PDE11A: variants seen among roughly 807,000 people sequenced by gnomAD.
The protein encoded by PDE11A is phosphodiesterase 11A.
A neutral mutation model predicts 100.5 loss-of-function variants in PDE11A; 100 were observed. The ratio of observed to expected loss-of-function variants is 1.00; its 90% CI spans 0.85 to 1.18. The LOEUF (loss-of-function observed/expected upper bound fraction) is 1.18. PDE11A is among the 50% of genes most tolerant of loss of function. The pLI is 0.00. For missense variants in PDE11A, 1,141 were observed against 1,152.6 expected, an observed-to-expected ratio of 0.99 and a Z score of 0.15; for synonymous variants, 381 against 420.8, an observed-to-expected ratio of 0.91 and a Z score of 1.16.
At chr2:177,664,223 T>C (rs2080534195) in intron 18 of PDE11A, among the ~76,000 whole-genome samples, 1 of 152,174 alleles carries the variant, frequency 6.6e-6, no homozygotes, top group Admixed American at 6.5e-5. Context: ...AAGTAACTGC[T>C]ACTAAATCAA....
chr2:177,702,654 C>T (rs1188311921), intron 13 of PDE11A: 1 of 152,134 alleles, frequency 6.6e-6, no homozygotes, highest in African/African-American at 2.4e-5. Flanking sequence ...CAGCCCAAAA[C>T]CACCGTCGGT....
intron 4 of PDE11A, among the ~76,000 whole-genome samples, chr2:177,890,307 C>T (rs1384879866): frequency 6.6e-6 from 1 of 152,188 alleles, no homozygotes; most frequent in Non-Finnish European, 1.5e-5. Context: ...TTGTTCCACT[C>T]ACCCTGGCCA....
intron 2 of PDE11A, among the ~76,000 whole-genome samples, chr2:177,908,770 G>A (rs754600153): frequency 3.9e-5 from 6 of 152,146 alleles, no homozygotes; most frequent in Non-Finnish European, 7.3e-5. Flanking sequence ...CAGTGTCCCC[G>A]GAAGCCTAGG....
At chr2:177,821,085 T>C (rs1048747238) in intron 6 of PDE11A, among the ~76,000 whole-genome samples, 3 of 151,872 alleles carry the variant, frequency 2.0e-5, no homozygotes, top group African/African-American at 4.8e-5. Context: ...TTTTGGATCA[T>C]GGATATGGAG....
intron 1 of PDE11A, among the ~76,000 whole-genome samples, chr2:178,107,021 C>T (rs1212021464): frequency 7.3e-5 from 11 of 149,934 alleles, no homozygotes; most frequent in African/African-American, 2.7e-4. Flanking sequence ...GTAAATGTTG[C>T]TAGTAATTCA....
At chr2:177,711,020 A>G (rs1383465174) in intron 13 of PDE11A, among the ~76,000 whole-genome samples, 3 of 152,226 alleles carry the variant, frequency 2.0e-5, no homozygotes, top group African/African-American at 7.2e-5. Flanking sequence ...AGTGAAAGAA[A>G]CATTAACGGC....
chr2:177,686,701 T>A (rs2105515053), intron 15 of PDE11A: 2 of 96,336 alleles, frequency 2.1e-5, no homozygotes, highest in Non-Finnish European at 3.7e-5. Context: ...ATGTAAATTT[T>A]TTTTTTTTTT....
intron 1 of PDE11A, among the ~76,000 whole-genome samples, chr2:178,052,828 C>G (rs959032368): frequency 1.3e-5 from 2 of 152,066 alleles, no homozygotes; most frequent in African/African-American, 2.4e-5. Flanking sequence ...AAGCTGAATC[C>G]CTGAATAGAC....
At chr2:177,994,194 G>A (rs1370738108) in intron 2 of PDE11A, among the ~76,000 whole-genome samples, 3 of 152,168 alleles carry the variant, frequency 2.0e-5, no homozygotes, top group African/African-American at 7.2e-5. Context: ...GCCTCCCAAA[G>A]TGGTGAGATT....
chr2:178,093,265 A>C (rs1196761752), intron 2 of PDE11A, among the ~76,000 whole-genome samples: 1 of 152,188 alleles, frequency 6.6e-6, no homozygotes, highest in Non-Finnish European at 1.5e-5. Context: ...TCCAAGAATC[A>C]GAGTGAGTTC....
intron 2 of PDE11A, among the ~76,000 whole-genome samples, chr2:178,009,863 A>G (rs1320775524): frequency 6.6e-6 from 1 of 152,252 alleles, no homozygotes; most frequent in Admixed American, 6.5e-5. Flanking sequence ...TATACAGAAC[A>G]TAACTTATAG....
chr2:177,819,868 T>TCTCTC (rs60332687), intron 7 of PDE11A, among the ~76,000 whole-genome samples: 6 of 139,188 alleles, frequency 4.3e-5, no homozygotes, highest in African/African-American at 1.4e-4. Flanking sequence ...CTTTCTCTCT[T>TCTCTC]TCTCTCTCTC....
At chr2:177,652,756 C>T (rs2080329413) in intron 19 of PDE11A, among the ~76,000 whole-genome samples, 1 of 152,090 alleles carries the variant, frequency 6.6e-6, no homozygotes. Flanking sequence ...GAAAAAATAC[C>T]CCAGGCATTT....
chr2:178,020,260 G>C lies in PDE11A; in HGVS notation c.913-5800C>G, dbSNP rs189014863. On this transcript the variant is annotated intron_variant, in intron 1 of 19. Transcript: ENST00000286063. The stretch of plus-strand genomic sequence containing the variant: ...GAACAGCCTGTTTGCCCTTACCTTT[G>C]TGATAATCTGCATCTCTGGAGAAGG... Among the ~76,000 whole-genome samples, 79 of 152,310 alleles carry C rather than the reference G, an allele frequency of 5.2e-4. 2 individuals are homozygous for C. The highest frequency in any genetic ancestry group is 7.3e-5 in the Non-Finnish European group (5 of 68,036).
At chr2:177,811,953 TA>T (rs1232304037) in intron 9 of PDE11A, among the ~76,000 whole-genome samples, 1 of 152,122 alleles carries the variant, frequency 6.6e-6, no homozygotes, top group Non-Finnish European at 1.5e-5. Context: ...ATTTTCCTGA[TA>T]AAACAGGCGA....
rs2082616402 is a variant in PDE11A at position 177,790,686 on chromosome 2, T to C, written c.1738-21313A>G. Among the ~76,000 whole-genome samples the C allele has an allele frequency of 2.0e-5, 3 of 152,002 alleles. No individual in the cohort carries two copies. The South Asian group carries it at 6.2e-4, about 32-fold the overall frequency. On this transcript the variant is annotated intron_variant, in intron 9 of 19. Transcript: ENST00000286063. ...AGAATCTACAATAAACTCAAACAAA[T>C]TTACAAGAAAAAAACAAACAACCCC...
Position 177,793,350 on chromosome 2 carries a change from G to T in PDE11A, c.1737+23479C>A, listed in dbSNP as rs114693982. Among the ~76,000 whole-genome samples, 945 of 152,098 alleles carry T rather than the reference G, an allele frequency of 6.2e-3. 5 individuals are homozygous for T. Among genetic ancestry groups the T allele is most frequent in the African/African-American group, 0.022 (900 of 41,450 alleles). On this transcript the variant is annotated intron_variant, in intron 9 of 19. Coordinates refer to ENST00000286063, the MANE Select transcript of PDE11A (RefSeq NM_016953.4). ...ACTTTTGTGGCATTCATTCCCTTGG[G>T]GTAGTATATAGTTTTGCCTGTTCTT...
intron 16 of PDE11A, among the ~76,000 whole-genome samples, chr2:177,677,088 T>A (rs995365284): frequency 1.8e-4 from 28 of 152,244 alleles, no homozygotes; most frequent in Non-Finnish European, 4.4e-5. Context: ...ATTTGTATCA[T>A]AATGTGGATA....
intron 2 of PDE11A, among the ~76,000 whole-genome samples, chr2:178,094,930 T>A (rs901847922): frequency 1.3e-5 from 2 of 152,134 alleles, no homozygotes; most frequent in Non-Finnish European, 2.9e-5. Flanking sequence ...TGGGGGAAAC[T>A]GCCCCCATGA....
Sources: allele counts gnomAD v4.1 joint callset (sites outside exome capture counted in the v4.1 genomes callset), GRCh38; gene constraint gnomAD v4.1.1; transcripts MANE v1.5; gene names NCBI Gene and HGNC (gene_info 2026-07-23, HGNC 2026-07-21).